UBXN11: variants seen among roughly 807,000 people sequenced by gnomAD.
The protein encoded by UBXN11 is UBX domain-containing protein 11.
Under a neutral mutation model 62.8 loss-of-function variants are expected in UBXN11, and 47 were observed. That is an observed-to-expected ratio of 0.75 (90% CI 0.59 to 0.95). The LOEUF is 0.95. Ranked by LOEUF, UBXN11 falls within the 40% of genes least tolerant of loss-of-function variation. The pLI, the probability that UBXN11 is intolerant of heterozygous loss-of-function variation, is 0.00. For missense variants in UBXN11, 638 were observed against 661.7 expected (o/e 0.96, Z 0.39); for synonymous variants, 294 against 267.0 (o/e 1.10, Z -0.99).
chr1:26,318,012 A>C, intron 1 of UBXN11: 3 of 1,614,028 alleles, frequency 1.9e-6, no homozygotes, highest in East Asian at 2.2e-5. Flanking sequence ...CGAAGATCCT[A>C]CCAAAATGAA....
chr1:26,315,067 G>A (rs146908569), intron 1 of UBXN11, among the ~76,000 whole-genome samples: 195 of 152,104 alleles, frequency 1.3e-3, no homozygotes, highest in African/African-American at 4.3e-3. Flanking sequence ...GGGTGACAAC[G>A]GCAAGAACCT....
At chr1:26,293,816 G>A (rs573810409) in intron 8 of UBXN11, among the ~76,000 whole-genome samples, 1 of 151,662 alleles carries the variant, frequency 6.6e-6, no homozygotes, top group African/African-American at 2.4e-5. Context: ...TGGAGAGGGA[G>A]GCCAAACCTG....
At chr1:26,317,452 C>T (rs1401197045) in intron 1 of UBXN11, among the ~76,000 whole-genome samples, 2 of 152,166 alleles carry the variant, frequency 1.3e-5, no homozygotes, top group Admixed American at 6.5e-5. Context: ...CATTCAGAAC[C>T]TGCAGCCCAT....
chr1:26,287,295 GCCT>G (rs141131115), intron 8 of UBXN11, among the ~76,000 whole-genome samples: 107,211 of 151,572 alleles, frequency 0.71, 38,386 homozygotes, highest in Non-Finnish European at 0.75. Flanking sequence ...CAAAGCTCTG[GCCT>G]CCTCTTCTGA....
Position 26,282,406 on chromosome 1 carries a change from A to G in UBXN11, c.1456T>C (p.Cys486Arg). Residue 486 changes from cysteine (C) to arginine (R), a missense_variant, in exon 15 of 15, where the codon TGT (cysteine) becomes CGT (arginine). Physicochemically the swap from Cys to Arg is radical, Grantham distance 180. Coordinates refer to ENST00000374222, the MANE Select transcript of UBXN11 (RefSeq NM_001389556.1). The part of the protein sequence containing the change: ...KSSLKFSPGP[C>R]PGPGPGPSPG... ...CTGGGGCCGGGACCGGGACCGGGAC[A>G]GGGACCAGGACTGAATTTCAGGCTG... 2 of 1,526,630 alleles carry G rather than the reference A, an allele frequency of 1.3e-6. No homozygotes were observed. Among genetic ancestry groups the G allele is most frequent in the Admixed American group, 2.0e-5 (1 of 49,018 alleles). The allele number at this position is 1,526,630 out of a possible 1,614,324, so 94.6% of individuals were successfully genotyped here.
chr1:26,298,764 G>A (rs1203689750), intron 4 of UBXN11, among the ~76,000 whole-genome samples: 1 of 138,546 alleles, frequency 7.2e-6, no homozygotes, highest in African/African-American at 2.7e-5. Flanking sequence ...GTAACAGAGT[G>A]AGGGACTCTG....
At chr1:26,294,154 CT>C in intron 8 of UBXN11, 50 bp downstream of exon 8, 1 of 1,605,982 alleles carries the variant, frequency 6.2e-7, no homozygotes. Flanking sequence ...CAACAGCAAA[CT>C]GTTGGAGAAT....
At chr1:26,293,993 G>A (rs2073335164) in intron 8 of UBXN11, among the ~76,000 whole-genome samples, 2 of 152,148 alleles carry the variant, frequency 1.3e-5, no homozygotes, top group Non-Finnish European at 2.9e-5. Flanking sequence ...GCAGAGGTAG[G>A]ACCGTGGAGA....
upstream of UBXN11, among the ~76,000 whole-genome samples, chr1:26,308,930 G>A (rs2073709909): frequency 7.8e-6 from 1 of 128,142 alleles, no homozygotes; most frequent in Admixed American, 9.9e-5. Context: ...CAGGCCAGTC[G>A]TTTGATTTTT....
At chr1:26,290,452 CAG>C (rs2073234756) in intron 8 of UBXN11, among the ~76,000 whole-genome samples, 4 of 152,170 alleles carry the variant, frequency 2.6e-5, no homozygotes, top group Admixed American at 2.0e-4. Flanking sequence ...ACAGGGCAGT[CAG>C]AGTTTGCTGG....
At chr1:26,287,536 GT>G (rs1163042410) in intron 8 of UBXN11, among the ~76,000 whole-genome samples, 2 of 152,014 alleles carry the variant, frequency 1.3e-5, no homozygotes, top group Non-Finnish European at 2.9e-5. Flanking sequence ...CAGAGAGGCT[GT>G]TTTTCAACAG....
chr1:26,295,715 C>T (rs1237942203), intron 7 of UBXN11, among the ~76,000 whole-genome samples: 3 of 152,224 alleles, frequency 2.0e-5, no homozygotes, highest in Admixed American at 6.5e-5. Context: ...TGTGGTGTCA[C>T]CCATTTCATC....
chr1:26,306,049 G>A (rs1441906638), intron 1 of UBXN11, among the ~76,000 whole-genome samples: 1 of 152,184 alleles, frequency 6.6e-6, no homozygotes, highest in Non-Finnish European at 1.5e-5. Context: ...TTCCCTGTCC[G>A]TTTGGGGGGA....
chr1:26,315,144 A>C (rs2073780097), intron 1 of UBXN11, among the ~76,000 whole-genome samples: 1 of 152,206 alleles, frequency 6.6e-6, no homozygotes, highest in African/African-American at 2.4e-5. Flanking sequence ...CTTGCAGAGG[A>C]AATACATGGA....
At chr1:26,294,623 G>A (rs532086182) in intron 7 of UBXN11, among the ~76,000 whole-genome samples, 20 of 152,330 alleles carry the variant, frequency 1.3e-4, no homozygotes, top group African/African-American at 4.8e-4. Context: ...CAGCCCATGC[G>A]AGGGCTCGGT....
intron 12 of UBXN11, 98 bp from the exon 13 acceptor site, chr1:26,283,035 G>T (rs2073038163): frequency 6.7e-7 from 1 of 1,497,690 alleles, no homozygotes; most frequent in Non-Finnish European, 9.3e-7. Context: ...GGACAGATGA[G>T]ACCAGTGAGC....
intron 10 of UBXN11, 128 bp downstream of exon 10, chr1:26,285,336 G>C: frequency 8.5e-6 from 13 of 1,523,944 alleles, no homozygotes; most frequent in Non-Finnish European, 1.1e-5. Context: ...TCCTCCTGGA[G>C]GGCATCAGAC....
At chr1:26,284,511 G>A in intron 10 of UBXN11, 29 bp from the exon 11 acceptor site, 1 of 1,566,414 alleles carries the variant, frequency 6.4e-7, no homozygotes, top group Non-Finnish European at 8.7e-7. Context: ...AACGACGGCA[G>A]CGGACCCAGC....
chr1:26,299,734 A>T (rs1456639977), intron 4 of UBXN11, among the ~76,000 whole-genome samples: 1 of 152,162 alleles, frequency 6.6e-6, no homozygotes, highest in South Asian at 2.1e-4. Flanking sequence ...TGGTAGGGAC[A>T]GATATTGGCT....
Sources: allele counts gnomAD v4.1 joint callset (sites outside exome capture counted in the v4.1 genomes callset), GRCh38; gene constraint gnomAD v4.1.1; transcripts MANE v1.5; gene names NCBI Gene and HGNC (gene_info 2026-07-23, HGNC 2026-07-21).